Variants in TNFSF4 observed in about 807,000 individuals in gnomAD.
The protein encoded by TNFSF4 is TNF superfamily member 4.
Under a neutral mutation model 7.3 loss-of-function variants are expected in TNFSF4, and 4 were observed. That is an observed-to-expected ratio of 0.55 (90% CI 0.27 to 1.25). The LOEUF is 1.25. TNFSF4 is among the 50% of genes most tolerant of loss of function. The pLI is 0.12. For missense variants in TNFSF4, 181 were observed against 208.8 expected, an observed-to-expected ratio of 0.87 and a Z score of 0.82; for synonymous variants, 76 against 83.7, an observed-to-expected ratio of 0.91 and a Z score of 0.50.
chr1:173,368,430 C>T, the TNFSF4 span, among the ~76,000 whole-genome samples: 1 of 152,134 alleles, frequency 6.6e-6, no homozygotes, highest in South Asian at 2.1e-4. Context: ...GCAGTGAGTA[C>T]CATTGGACCC....
At chr1:173,310,682 T>TC in the TNFSF4 span, among the ~76,000 whole-genome samples, 2 of 151,562 alleles carry the variant, frequency 1.3e-5, no homozygotes, top group Non-Finnish European at 2.9e-5. Flanking sequence ...TTTTTTTTTT[T>TC]CTTTGTCTGT....
At chr1:173,432,269 TC>T in the TNFSF4 span, among the ~76,000 whole-genome samples, 1 of 152,304 alleles carries the variant, frequency 6.6e-6, no homozygotes, top group South Asian at 2.1e-4. Flanking sequence ...ACAATTGCCA[TC>T]CAAACCAGAG....
the TNFSF4 span, among the ~76,000 whole-genome samples, chr1:173,213,242 C>A: frequency 6.6e-6 from 1 of 152,188 alleles, no homozygotes; most frequent in African/African-American, 2.4e-5. Flanking sequence ...TCTCACTTGT[C>A]AACCCCTTTT....
the TNFSF4 span, among the ~76,000 whole-genome samples, chr1:173,370,799 G>T: frequency 8.8e-4 from 133 of 151,804 alleles, no homozygotes; most frequent in African/African-American, 3.0e-3. Flanking sequence ...CCTTAGTCAT[G>T]GCCCTTAGTC....
intron 1 of TNFSF4, among the ~76,000 whole-genome samples, chr1:173,199,642 G>A (rs545883607): frequency 2.6e-5 from 4 of 152,142 alleles, no homozygotes; most frequent in Admixed American, 1.3e-4. Flanking sequence ...TCTATTCTCC[G>A]GTACTGTGAG....
chr1:173,303,356 G>A, the TNFSF4 span, among the ~76,000 whole-genome samples: 2 of 151,846 alleles, frequency 1.3e-5, no homozygotes, highest in East Asian at 3.9e-4. Context: ...CTCATTGTAT[G>A]AGGGTGAAAT....
the TNFSF4 span, among the ~76,000 whole-genome samples, chr1:173,335,415 G>C: frequency 6.6e-6 from 1 of 152,124 alleles, no homozygotes; most frequent in African/African-American, 2.4e-5. Flanking sequence ...CATTACAGTA[G>C]AAATAGCCCC....
At chr1:173,424,118 T>G in the TNFSF4 span, among the ~76,000 whole-genome samples, 4 of 152,240 alleles carry the variant, frequency 2.6e-5, no homozygotes, top group Admixed American at 1.3e-4. Context: ...TCTCAGGACT[T>G]AGGCCTGTCG....
chr1:173,260,177 G>A, the TNFSF4 span, among the ~76,000 whole-genome samples: 1 of 152,050 alleles, frequency 6.6e-6, no homozygotes. Context: ...AGTGTTTGGG[G>A]GCCAATATTC....
At chr1:173,271,600 CTCATCA>C in the TNFSF4 span, among the ~76,000 whole-genome samples, 2 of 152,096 alleles carry the variant, frequency 1.3e-5, no homozygotes, top group African/African-American at 4.8e-5. Flanking sequence ...TGAAAAAATG[CTCATCA>C]TCACTGGCCA....
chr1:173,329,389 T>C, the TNFSF4 span, among the ~76,000 whole-genome samples: 2 of 152,136 alleles, frequency 1.3e-5, no homozygotes, highest in Non-Finnish European at 2.9e-5. Context: ...CAAGGAAAAA[T>C]AGCCTGTACA....
At chr1:173,332,698 A>T in the TNFSF4 span, among the ~76,000 whole-genome samples, 3 of 151,364 alleles carry the variant, frequency 2.0e-5, no homozygotes, top group Non-Finnish European at 4.4e-5. Flanking sequence ...TACTAAAAAT[A>T]CAAAAAATTA....
At chr1:173,328,114 A>T in the TNFSF4 span, among the ~76,000 whole-genome samples, 1 of 152,170 alleles carries the variant, frequency 6.6e-6, no homozygotes, top group African/African-American at 2.4e-5. Context: ...CAAATGTCCA[A>T]CAATGATAGA....
At chr1:173,254,220 AT>A in the TNFSF4 span, among the ~76,000 whole-genome samples, 2 of 152,220 alleles carry the variant, frequency 1.3e-5, no homozygotes, top group Admixed American at 1.3e-4. Context: ...AAATTTAGTT[AT>A]AAATCTAACT....
At chr1:173,374,664 T>C in the TNFSF4 span, among the ~76,000 whole-genome samples, 8 of 152,216 alleles carry the variant, frequency 5.3e-5, no homozygotes, top group African/African-American at 1.9e-4. Context: ...CATAAATCTT[T>C]AACACCTCTC....
At chr1:173,266,423 T>A in the TNFSF4 span, among the ~76,000 whole-genome samples, 59 of 152,262 alleles carry the variant, frequency 3.9e-4, no homozygotes, top group African/African-American at 1.3e-3. Flanking sequence ...CAAAATAGGA[T>A]GAACACCTGC....
the TNFSF4 span, among the ~76,000 whole-genome samples, chr1:173,362,099 A>G: frequency 6.6e-6 from 1 of 152,236 alleles, no homozygotes; most frequent in Admixed American, 6.5e-5. Flanking sequence ...AAGCATGAGA[A>G]TGGCAAATAA....
chr1:173,190,689 T>C (rs768111465), intron 1 of TNFSF4, among the ~76,000 whole-genome samples: 3 of 152,222 alleles, frequency 2.0e-5, no homozygotes, highest in Non-Finnish European at 4.4e-5. Context: ...AATGACCCAA[T>C]GACCATAGTT....
At chr1:173,318,075 T>C in the TNFSF4 span, among the ~76,000 whole-genome samples, 1 of 152,156 alleles carries the variant, frequency 6.6e-6, no homozygotes, top group Non-Finnish European at 1.5e-5. Flanking sequence ...AGCTGGACAA[T>C]TGGTTGGCTA....
Sources: gnomAD v4.1 joint callset for allele counts (sites outside exome capture counted in the v4.1 genomes callset) on GRCh38, gnomAD v4.1.1 for gene constraint, MANE v1.5 for transcripts, NCBI Gene and HGNC (gene_info 2026-07-23, HGNC 2026-07-21) for gene names.